Variants in MEP1A observed in about 807,000 individuals in gnomAD.
MEP1A encodes the protein meprin A subunit alpha, also known as N-benzoyl-L-tyrosyl-P-amino-benzoic acid hydrolase subunit alpha.
A neutral mutation model predicts 84.5 loss-of-function variants in MEP1A; 68 were observed. That is an observed-to-expected ratio of 0.80 (90% CI 0.66 to 0.98). The LOEUF (loss-of-function observed/expected upper bound fraction) is 0.98. MEP1A is among the 50% of genes least tolerant of loss of function. The probability of loss-of-function intolerance (pLI) is 0.00; values close to 1 mark genes in which losing one functional copy is unlikely to be tolerated. For missense variants in MEP1A, 887 were observed against 919.9 expected (o/e 0.96, Z 0.46); for synonymous variants, 337 against 336.8 (o/e 1.00, Z -0.01).
Position 46,830,247 on chromosome 6 carries a change from T to TAA in MEP1A, c.1144+709_1144+710dup, listed in dbSNP as rs56033423. ...GCTGGTGACAGAGCAAGACTCCATC[T>TAA]AAAAAAAAAAAAAAAAAAAAAAAAA... On this transcript the variant is annotated intron_variant, in intron 10 of 13. Coordinates refer to ENST00000230588, the MANE Select transcript of MEP1A (RefSeq NM_005588.3). Among the ~76,000 whole-genome samples the TAA allele has an allele frequency of 1.5e-3, 73 of 50,100 alleles. 1 individual carries two copies. Among genetic ancestry groups the TAA allele is most frequent in the African/African-American group, 5.6e-3 (68 of 12,156 alleles). The allele number at this position is 50,100 out of a possible 152,430, so 32.9% of individuals were successfully genotyped here. A position where few individuals can be genotyped will look rare whatever the true frequency, so the allele number is the denominator to read the frequency against.
chr6:46,795,111 G>A (rs201486139), intron 3 of MEP1A, among the ~76,000 whole-genome samples: 1 of 152,016 alleles, frequency 6.6e-6, no homozygotes, highest in Admixed American at 6.5e-5. Context: ...CTGAGTAAAC[G>A]TTTCTTATCC....
chr6:46,845,751 A>C, the MEP1A span, among the ~76,000 whole-genome samples: 5 of 152,226 alleles, frequency 3.3e-5, no homozygotes, highest in Non-Finnish European at 7.3e-5. Flanking sequence ...CAGAACTCTG[A>C]GAACACTGTT....
At chr6:46,825,180 C>T (rs1767908658) in intron 7 of MEP1A, 92 bp from the exon 8 acceptor site, 3 of 485,778 alleles carry the variant, frequency 6.2e-6, no homozygotes, top group Admixed American at 3.5e-5. Flanking sequence ...GAACTATTTC[C>T]CTTTTTTGGA....
In MEP1A at chr6:46,817,391, T is replaced by C. The variant is rs377158225; in HGVS notation, c.381-2138T>C. 1.0e-3 allele frequency among the ~76,000 whole-genome samples: 158 copies of C among 152,258 alleles called. 1 individual carries two copies. The highest frequency in any genetic ancestry group is 3.7e-3 in the African/African-American group (152 of 41,550). On this transcript the variant is annotated intron_variant, in intron 6 of 13. Coordinates refer to ENST00000230588, the MANE Select transcript of MEP1A (RefSeq NM_005588.3). Reference sequence around the variant, plus strand: ...AGGTCATATAAATGGAGATAACCAATAGTAGTTAGATAGTTTATTTTTCTG... The same window carrying C: ...AGGTCATATAAATGGAGATAACCAACAGTAGTTAGATAGTTTATTTTTCTG...
At chr6:46,829,844 C>A (rs1263222778) in intron 10 of MEP1A, among the ~76,000 whole-genome samples, 1 of 152,002 alleles carries the variant, frequency 6.6e-6, no homozygotes, top group East Asian at 1.9e-4. Flanking sequence ...ATATACAAAT[C>A]CAGTTTTCAC....
At chr6:46,811,440 T>G (rs1194557546) in intron 6 of MEP1A, among the ~76,000 whole-genome samples, 1 of 152,094 alleles carries the variant, frequency 6.6e-6, no homozygotes, top group Admixed American at 6.6e-5. Flanking sequence ...GACTTCCTGT[T>G]TACTGATTTG....
chr6:46,825,387 T>C lies in MEP1A; in HGVS notation c.672T>C (p.Ser224=), dbSNP rs1767915363. 6.2e-7 allele frequency: 1 copy of C among 1,613,638 alleles called. No homozygotes were observed. The highest frequency in any genetic ancestry group is 8.5e-7 in the Non-Finnish European group (1 of 1,179,630). ...CTTTCTCATTTAACAAGAATGCAAGTGTTCCCACCATCACAGCCAAGATCC... is the reference window on the plus strand; with the variant it reads ...CTTTCTCATTTAACAAGAATGCAAGCGTTCCCACCATCACAGCCAAGATCC... ...YQPFSFNKNA[S]VPTITAKIPE... is the part of the protein sequence containing the mutation. The change falls in exon 8 of 14, where the codon AGT becomes AGC. Residue 224 remains serine (S), a synonymous_variant. Transcript: ENST00000230588.
At chr6:46,796,090 G>T (rs1767046329) in intron 3 of MEP1A, among the ~76,000 whole-genome samples, 2 of 152,132 alleles carry the variant, frequency 1.3e-5, no homozygotes, top group East Asian at 1.9e-4. Flanking sequence ...CTAAGGAAGT[G>T]ATTTTCGATG....
At chr6:46,802,907 C>A (rs1052785065) in intron 5 of MEP1A, among the ~76,000 whole-genome samples, 3 of 151,704 alleles carry the variant, frequency 2.0e-5, no homozygotes, top group African/African-American at 7.2e-5. Flanking sequence ...TCATATTTTG[C>A]TGGATTCCTA....
intron 11 of MEP1A, among the ~76,000 whole-genome samples, chr6:46,833,865 A>G (rs933229258): frequency 3.3e-5 from 5 of 152,172 alleles, no homozygotes; most frequent in African/African-American, 1.2e-4. Context: ...CATTTATCAA[A>G]TACTTGGAAC....
chr6:46,801,026 G>A (rs1767187395), intron 5 of MEP1A, among the ~76,000 whole-genome samples: 1 of 151,960 alleles, frequency 6.6e-6, no homozygotes, highest in South Asian at 2.1e-4. Flanking sequence ...ATATTTCTTT[G>A]TAATACTATA....
chr6:46,799,249 G>A (rs1767139432), intron 5 of MEP1A, 68 bp downstream of exon 5: 2 of 1,071,148 alleles, frequency 1.9e-6, no homozygotes, highest in East Asian at 4.7e-5. Context: ...CCTGTCCATG[G>A]GCTTCACATT....
chr6:46,833,099 T>A lies in MEP1A; in HGVS notation c.1170T>A (p.Ile390=), dbSNP rs1287844028. 1 of 1,526,700 alleles carries A rather than the reference T, an allele frequency of 6.6e-7. No homozygotes were observed. The highest frequency in any genetic ancestry group is 8.8e-7 in the Non-Finnish European group (1 of 1,141,248). 94.6% of individuals were successfully genotyped at this position (1,526,700 alleles called of 1,614,324 possible). ...GAGATGATGACCACAATTGGAAAAT[T>A]GCCCATGTGGTGCTCAAAGAGGAAC... is the stretch of plus-strand genomic sequence containing the variant. ...FQGDDDHNWK[I]AHVVLKEEQK... is the part of the protein sequence containing the mutation. Residue 390 remains isoleucine (I), a synonymous_variant, in exon 11 of 14, where the codon ATT becomes ATA. Transcript: ENST00000230588.
At position 46,809,407 on chromosome 6, in the gene MEP1A, C is replaced by G. The variant is rs116830024; in HGVS notation, c.263-13C>G. On this transcript the variant is annotated splice_polypyrimidine_tract_variant and intron_variant, in intron 5 of 13. Transcript: ENST00000230588. ...CAAATAATGCTCATTGATATTTTTA[C>G]TGATTTCTGCAGGGCTGAATGCTAA... The G allele has an allele frequency of 6.5e-7, 1 of 1,526,986 alleles. No individual in the cohort carries two copies. The highest frequency in any genetic ancestry group is 1.8e-5 in the Admixed American group (1 of 56,020). The allele number at this position is 1,526,986 out of a possible 1,614,324, so 94.6% of individuals were successfully genotyped here. A position where few individuals can be genotyped will look rare whatever the true frequency, so the allele number is the denominator to read the frequency against.
Position 46,830,363 on chromosome 6 carries a change from G to T in MEP1A, c.1144+792G>T, listed in dbSNP as rs558619486. On this transcript the variant is annotated intron_variant, in intron 10 of 13. Transcript: ENST00000230588. ...TGCTGAAGTAACTTGAAGCCTACTTGTGAAGTTGGTGGCAAATAAGTCATT... is the reference window on the plus strand; with the variant it reads ...TGCTGAAGTAACTTGAAGCCTACTTTTGAAGTTGGTGGCAAATAAGTCATT... Among the ~76,000 whole-genome samples, 31 of 150,878 alleles carry T rather than the reference G, an allele frequency of 2.1e-4. No homozygotes were observed. In the South Asian group the frequency reaches 2.7e-3, roughly 13 times the overall value.
chr6:46,798,688 C>G (rs370675937), intron 4 of MEP1A, 42 bp downstream of exon 4: 57 of 1,558,902 alleles, frequency 3.7e-5, no homozygotes, highest in Non-Finnish European at 5.0e-5. Flanking sequence ...TCAGGACAGG[C>G]AGTACCACTG....
intron 5 of MEP1A, among the ~76,000 whole-genome samples, chr6:46,804,333 A>G (rs1394891774): frequency 1.3e-5 from 2 of 151,822 alleles, no homozygotes; most frequent in African/African-American, 2.4e-5. Context: ...TAACATTTTT[A>G]AGTTGTAATA....
rs760079818 is a variant in MEP1A at position 46,835,445 on chromosome 6, C to T, written c.1980C>T (p.Pro660=). Residue 660 remains proline (P), a synonymous_variant, in exon 13 of 14, where the codon CCC becomes CCT. Coordinates refer to ENST00000230588, the MANE Select transcript of MEP1A (RefSeq NM_005588.3). ...RQKRSVENTG[P]LEDHNWPQYF... The stretch of plus-strand genomic sequence containing the variant: ...AGCGGTCGGTGGAGAACACAGGCCC[C>T]CTGGAGGACCATAACTGGCCACAGT... 1 of 1,612,476 alleles carries T rather than the reference C, an allele frequency of 6.2e-7. No homozygotes were observed. The highest frequency in any genetic ancestry group is 2.2e-5 in the East Asian group (1 of 44,846).
intron 3 of MEP1A, among the ~76,000 whole-genome samples, chr6:46,797,483 G>A (rs1474974526): frequency 6.6e-6 from 1 of 152,234 alleles, no homozygotes; most frequent in Non-Finnish European, 1.5e-5. Flanking sequence ...GAGAACAGAT[G>A]TTTGGAGATA....
Sources: gnomAD v4.1 joint callset for allele counts (sites outside exome capture counted in the v4.1 genomes callset) on GRCh38, gnomAD v4.1.1 for gene constraint, MANE v1.5 for transcripts, NCBI Gene and HGNC (gene_info 2026-07-23, HGNC 2026-07-21) for gene names.